PAH: variants seen among roughly 807,000 people sequenced by gnomAD.
PAH encodes the protein phenylalanine hydroxylase.
PAH carries 64 observed loss-of-function variants against 62.0 expected under a neutral mutation model. The ratio of observed to expected loss-of-function variants is 1.03; its 90% confidence interval spans 0.84 to 1.27. The LOEUF (loss-of-function observed/expected upper bound fraction) is 1.27. Ranked by LOEUF, PAH falls within the 50% of genes most tolerant of loss-of-function variation. The pLI is 0.00. For synonymous variants in PAH, 195 were observed against 196.2 expected (o/e 0.99, Z 0.05); for missense variants, 579 against 542.8 (o/e 1.07, Z -0.66).
rs992177636 is a variant in PAH at position 102,868,146 on chromosome 12, A to C, written c.442-1483T>G. On this transcript the variant is annotated intron_variant, in intron 4 of 12. Transcript: ENST00000553106. ...TATGTGTATATATATATATATATATATATATATACACATATATATACATAT... is the reference window on the plus strand; with the variant it reads ...TATGTGTATATATATATATATATATCTATATATACACATATATATACATAT... Among the ~76,000 whole-genome samples, 6 of 6,666 alleles carry C rather than the reference A, an allele frequency of 9.0e-4. 1 individual carries two copies. The highest frequency in any genetic ancestry group is 6.1e-3 in the African/African-American group (5 of 816). The allele number at this position is 6,666 out of a possible 152,430, so 4.4% of individuals were successfully genotyped here.
chr12:102,883,948 A>G (rs1378069799), intron 3 of PAH, among the ~76,000 whole-genome samples: 1 of 152,244 alleles, frequency 6.6e-6, no homozygotes, highest in Admixed American at 6.5e-5. Flanking sequence ...TGGGAGGATT[A>G]AAATGAACTC....
intron 1 of PAH, among the ~76,000 whole-genome samples, chr12:102,916,291 G>A (rs187908729): frequency 6.6e-6 from 1 of 152,130 alleles, no homozygotes; most frequent in East Asian, 1.9e-4. Context: ...TGATGACAGG[G>A]GCCTGCAGAC....
intron 4 of PAH, among the ~76,000 whole-genome samples, chr12:102,867,910 C>CGTGT (rs1565854236): frequency 1.5e-5 from 2 of 137,406 alleles, no homozygotes; most frequent in African/African-American, 5.2e-5. Context: ...TGTATATATA[C>CGTGT]ATGTATATAC....
chr12:102,937,056 C>A (rs1484109585), intron 1 of PAH, among the ~76,000 whole-genome samples: 1 of 152,216 alleles, frequency 6.6e-6, no homozygotes, highest in Non-Finnish European at 1.5e-5. Flanking sequence ...TTGCTTGGCA[C>A]TCCTTCTTGC....
At chr12:102,873,945 A>G (rs1405806466) in intron 4 of PAH, among the ~76,000 whole-genome samples, 2 of 152,234 alleles carry the variant, frequency 1.3e-5, no homozygotes, top group Non-Finnish European at 2.9e-5. Context: ...TTTCGGAAAC[A>G]TGCATATGGC....
chr12:102,885,618 G>A (rs959041946), intron 3 of PAH, among the ~76,000 whole-genome samples: 18 of 152,174 alleles, frequency 1.2e-4, no homozygotes, highest in African/African-American at 4.3e-4. Flanking sequence ...CATTAAGTCG[G>A]GGTCAACTGC....
At chr12:102,951,913 C>A (rs902662178), upstream of PAH, among the ~76,000 whole-genome samples, 3 of 152,092 alleles carry the variant, frequency 2.0e-5, no homozygotes, top group African/African-American at 7.2e-5. Flanking sequence ...GTGGCTTCTC[C>A]GGCTGATGTG....
intron 1 of PAH, among the ~76,000 whole-genome samples, chr12:102,924,906 C>T (rs1012715941): frequency 2.6e-5 from 4 of 152,118 alleles, no homozygotes; most frequent in Non-Finnish European, 4.4e-5. Flanking sequence ...CTGGTTTACT[C>T]ATTTGCCAAT....
chr12:102,936,133 C>G (rs1191536758), intron 1 of PAH, among the ~76,000 whole-genome samples: 2 of 151,944 alleles, frequency 1.3e-5, no homozygotes, highest in South Asian at 4.1e-4. Context: ...TTAATTTATT[C>G]ATTGACCCAC....
chr12:102,866,082 G>GGAA (rs1875943569), intron 5 of PAH, among the ~76,000 whole-genome samples: 3 of 87,578 alleles, frequency 3.4e-5, no homozygotes, highest in African/African-American at 9.5e-5. Flanking sequence ...ACCCCAGACA[G>GGAA]GAAAAAAAAA....
upstream of PAH, among the ~76,000 whole-genome samples, chr12:102,918,410 T>G (rs1357112432): frequency 7.9e-5 from 12 of 151,900 alleles, no homozygotes; most frequent in East Asian, 9.7e-4. Context: ...TGGAAGCCCA[T>G]CCCTCTCCTC....
At chr12:102,864,522 G>C (rs1875863833) in intron 5 of PAH, among the ~76,000 whole-genome samples, 1 of 152,034 alleles carries the variant, frequency 6.6e-6, no homozygotes. Context: ...TGAGACCTTG[G>C]TCAATTTTTA....
chr12:102,877,974 C>A (rs554588356), intron 3 of PAH, among the ~76,000 whole-genome samples: 2 of 152,054 alleles, frequency 1.3e-5, no homozygotes, highest in East Asian at 3.9e-4. Flanking sequence ...TACAGGTGCA[C>A]GCCATCATGC....
rs139995266 is a variant in PAH at position 102,897,696 on chromosome 12, G to C, written c.169-2778C>G. Among the ~76,000 whole-genome samples, 490 of 152,200 alleles carry C rather than the reference G, an allele frequency of 3.2e-3. 4 individuals are homozygous for C. Among genetic ancestry groups the C allele is most frequent in the African/African-American group, 0.011 (477 of 41,516 alleles). On this transcript the variant is annotated intron_variant, in intron 2 of 12. Coordinates refer to ENST00000553106, the MANE Select transcript of PAH (RefSeq NM_000277.3). ...ACTGCCTGAGTATCAGAGTTTGCTT[G>C]ATGTCTCAAATGTCCCTAATTGTAG...
At chr12:102,878,478 A>T (rs2136680479) in intron 3 of PAH, among the ~76,000 whole-genome samples, 1 of 152,228 alleles carries the variant, frequency 6.6e-6, no homozygotes. Flanking sequence ...GGCAGCACCG[A>T]CATCCCTGTG....
chr12:102,848,433 AGG>A (rs1874976523), intron 8 of PAH, among the ~76,000 whole-genome samples: 1 of 142,248 alleles, frequency 7.0e-6, no homozygotes, highest in Non-Finnish European at 1.6e-5. Context: ...GGAGAGGTTG[AGG>A]ATAGACAGGA....
At chr12:102,841,705 CAT>C (rs1874603561) in intron 11 of PAH, among the ~76,000 whole-genome samples, 3 of 152,350 alleles carry the variant, frequency 2.0e-5, no homozygotes, top group Admixed American at 2.0e-4. Context: ...GCATGAGCCA[CAT>C]GTTACACATC....
At chr12:102,925,253 G>T (rs1203094153) in intron 1 of PAH, among the ~76,000 whole-genome samples, 2 of 152,146 alleles carry the variant, frequency 1.3e-5, no homozygotes, top group African/African-American at 4.8e-5. Flanking sequence ...AGGATGGAAT[G>T]CAGATATGCT....
At chr12:102,920,351 T>C (rs919831642), upstream of PAH, among the ~76,000 whole-genome samples, 5 of 152,180 alleles carry the variant, frequency 3.3e-5, no homozygotes, top group Non-Finnish European at 7.4e-5. Context: ...AGAAGAAGCA[T>C]CCACAGTCAG....
Sources: gnomAD v4.1 joint callset for allele counts (sites outside exome capture counted in the v4.1 genomes callset) on GRCh38, gnomAD v4.1.1 for gene constraint, MANE v1.5 for transcripts, NCBI Gene and HGNC (gene_info 2026-07-23, HGNC 2026-07-21) for gene names.